The following EPM2A variants were observed in gnomAD, a reference collection of about 807,000 sequenced individuals.
EPM2A encodes EPM2A glucan phosphatase, laforin.
In EPM2A, 21 loss-of-function variants were observed where a neutral mutation model predicts 26.5. That is an observed-to-expected ratio of 0.79 (90% CI 0.56 to 1.14). The LOEUF (loss-of-function observed/expected upper bound fraction) is 1.14. Ranked by LOEUF, EPM2A falls within the 50% of genes most tolerant of loss-of-function variation. The pLI is 0.00. For synonymous variants in EPM2A, 217 were observed against 177.6 expected, an observed-to-expected ratio of 1.22 and a Z score of -1.76; for missense variants, 458 against 440.8, an observed-to-expected ratio of 1.04 and a Z score of -0.35.
chr6:145,410,887 G>A (rs1162506566), intron 4 of EPM2A, among the ~76,000 whole-genome samples: 1 of 152,158 alleles, frequency 6.6e-6, no homozygotes, highest in African/African-American at 2.4e-5. Context: ...AGAAAGCTGT[G>A]GGCCCATTAA....
chr6:145,576,266 G>A (rs9497352), intron 2 of EPM2A, among the ~76,000 whole-genome samples: 3 of 152,216 alleles, frequency 2.0e-5, no homozygotes, highest in African/African-American at 7.2e-5. Context: ...ATTAACTCCT[G>A]GTAATCAAAA....
chr6:145,457,624 G>A (rs1418306545), intron 4 of EPM2A, among the ~76,000 whole-genome samples: 2 of 152,058 alleles, frequency 1.3e-5, no homozygotes, highest in African/African-American at 4.8e-5. Flanking sequence ...ATAGAACAGT[G>A]ATGATCATTC....
At chr6:145,710,501 G>C (rs1243306514) in intron 1 of EPM2A, among the ~76,000 whole-genome samples, 1 of 152,168 alleles carries the variant, frequency 6.6e-6, no homozygotes, top group Admixed American at 6.5e-5. Context: ...AGAGAAATAG[G>C]AACACTTTTA....
chr6:145,499,859 G>C (rs1376008365), downstream of EPM2A, among the ~76,000 whole-genome samples: 1 of 152,184 alleles, frequency 6.6e-6, no homozygotes, highest in Non-Finnish European at 1.5e-5. Flanking sequence ...CCAAGATAAA[G>C]AGTTACATTA....
intron 2 of EPM2A, among the ~76,000 whole-genome samples, chr6:145,507,514 A>C (rs1779993446): frequency 6.6e-6 from 1 of 152,186 alleles, no homozygotes. Context: ...GATAACAGTT[A>C]GGGAGAGGCT....
At chr6:145,632,970 C>T (rs959185384) in intron 3 of EPM2A, among the ~76,000 whole-genome samples, 7 of 152,194 alleles carry the variant, frequency 4.6e-5, no homozygotes, top group African/African-American at 1.7e-4. Context: ...CTGTCTCAGC[C>T]TGAAAGAAGC....
intron 4 of EPM2A, among the ~76,000 whole-genome samples, chr6:145,477,029 GA>G (rs1779551729): frequency 6.6e-6 from 1 of 151,570 alleles, no homozygotes; most frequent in Non-Finnish European, 1.5e-5. Flanking sequence ...AAAACTTAAA[GA>G]AAATGGACAA....
chr6:145,562,542 A>G (rs1347122409), intron 2 of EPM2A, among the ~76,000 whole-genome samples: 2 of 152,138 alleles, frequency 1.3e-5, no homozygotes, highest in Non-Finnish European at 2.9e-5. Context: ...AATAGCACAT[A>G]TATTTCTTTT....
At chr6:145,564,067 G>A (rs1407097666) in intron 2 of EPM2A, among the ~76,000 whole-genome samples, 1 of 152,044 alleles carries the variant, frequency 6.6e-6, no homozygotes, top group East Asian at 1.9e-4. Context: ...CTAATACAAT[G>A]TAAATGCTAG....
rs565858421 is a variant in EPM2A, at chr6:145,486,006, A to G, written c.555+16516T>C. 8.5e-5 allele frequency among the ~76,000 whole-genome samples: 13 copies of G among 152,308 alleles called. No homozygotes were observed. In the South Asian group the frequency reaches 2.7e-3, roughly 32 times the overall value. ...CTCCCACCACATGTGGGAATTATGG[A>G]AGCTACAATTCAAGATGAGATTTGG... On this transcript the variant is annotated intron_variant, in intron 4 of 4. Transcript: ENST00000638717.
At chr6:145,481,469 C>G (rs1415311367) in intron 4 of EPM2A, among the ~76,000 whole-genome samples, 1 of 151,988 alleles carries the variant, frequency 6.6e-6, no homozygotes. Flanking sequence ...GGTAGCTGCC[C>G]TTGATGAGCT....
rs150542826 is a variant in EPM2A, at chr6:145,417,093, A to AG, written c.556-32997dup. Among the ~76,000 whole-genome samples the AG allele has an allele frequency of 8.0e-3, 1,213 of 152,274 alleles. 12 individuals carry two copies. The highest frequency in any genetic ancestry group is 0.028 in the African/African-American group (1,168 of 41,554). Reference sequence around the variant, plus strand: ...GATATTGAGACCTTGTTGGCGTTCCAGGGAAGCTTAGGAAGCTCGTTATGC... The same window carrying AG: ...GATATTGAGACCTTGTTGGCGTTCCAGGGGAAGCTTAGGAAGCTCGTTATGC... On this transcript the variant is annotated intron_variant, in intron 4 of 4. Coordinates refer to the EPM2A transcript ENST00000638717.
chr6:145,595,352 C>T (rs1781328236), intron 2 of EPM2A, among the ~76,000 whole-genome samples: 1 of 151,436 alleles, frequency 6.6e-6, no homozygotes, highest in Non-Finnish European at 1.5e-5. Flanking sequence ...TGATAGAGGC[C>T]TATTCTCCAA....
intron 1 of EPM2A, among the ~76,000 whole-genome samples, chr6:145,719,447 G>T (rs1042515605): frequency 7.1e-6 from 1 of 141,452 alleles, no homozygotes; most frequent in Non-Finnish European, 1.5e-5. Flanking sequence ...ACAGGAAGGG[G>T]AACATCACAC....
intron 2 of EPM2A, among the ~76,000 whole-genome samples, chr6:145,668,953 G>A (rs1431734579): frequency 6.6e-6 from 1 of 152,100 alleles, no homozygotes. Context: ...TGTACAAGTA[G>A]ATGTTATCAG....
chr6:145,509,506 T>G (rs1473915259), intron 2 of EPM2A, among the ~76,000 whole-genome samples: 2 of 152,054 alleles, frequency 1.3e-5, no homozygotes, highest in African/African-American at 4.8e-5. Flanking sequence ...ATAAACAAAG[T>G]ACAAATAAAG....
At position 145,434,097 on chromosome 6, in the gene EPM2A, T is replaced by G. The variant is rs1205394454; in HGVS notation, c.556-50000A>C. 2.0e-5 allele frequency among the ~76,000 whole-genome samples: 3 copies of G among 152,082 alleles called. 1 individual carries two copies. The highest frequency in any genetic ancestry group is 4.1e-4 in the South Asian group (2 of 4,832). ...TGGGTATTGAATTCTAGATTGACAG[T>G]TTTTTTCCTTTGGACACTTCAAAGA... On this transcript the variant is annotated intron_variant, in intron 4 of 4. Transcript: ENST00000638717.
intron 4 of EPM2A, among the ~76,000 whole-genome samples, chr6:145,464,760 GATA>G (rs1366124355): frequency 6.6e-6 from 1 of 151,890 alleles, no homozygotes; most frequent in Non-Finnish European, 1.5e-5. Flanking sequence ...TATATAGGTA[GATA>G]TGACAACTCT....
chr6:145,534,913 G>A (rs1780410541), intron 2 of EPM2A, among the ~76,000 whole-genome samples: 1 of 152,072 alleles, frequency 6.6e-6, no homozygotes, highest in African/African-American at 2.4e-5. Flanking sequence ...TCACCTCTAG[G>A]TCCAGTGTAC....
Sources: allele counts gnomAD v4.1 joint callset (sites outside exome capture counted in the v4.1 genomes callset), GRCh38; gene constraint gnomAD v4.1.1; transcripts MANE v1.5; gene names NCBI Gene and HGNC (gene_info 2026-07-23, HGNC 2026-07-21).